BNC2: variants seen among roughly 807,000 people sequenced by gnomAD.
BNC2 encodes the protein basonuclin zinc finger protein 2, also known as zinc finger protein basonuclin-2.
A neutral mutation model predicts 76.3 loss-of-function variants in BNC2; 20 were observed. The observed-to-expected ratio is 0.26, with a 90% CI of 0.18 to 0.38. The LOEUF (loss-of-function observed/expected upper bound fraction) is 0.38, where lower values mean the gene tolerates loss of function less well. BNC2 is among the 10% of genes least tolerant of loss of function. The pLI is 1.00. For missense variants in BNC2, 1,382 were observed against 1,399.8 expected (o/e 0.99, Z 0.20); for synonymous variants, 582 against 514.8 (o/e 1.13, Z -1.77).
chr9:16,624,956 GAA>G (rs1489562816), intron 3 of BNC2, among the ~76,000 whole-genome samples: 4 of 152,188 alleles, frequency 2.6e-5, no homozygotes, highest in Non-Finnish European at 1.5e-5. Context: ...TAAAAAGTTA[GAA>G]GAGAGCACCT....
At chr9:16,829,233 G>A (rs1169564658) in intron 1 of BNC2, among the ~76,000 whole-genome samples, 1 of 152,252 alleles carries the variant, frequency 6.6e-6, no homozygotes, top group East Asian at 1.9e-4. Flanking sequence ...GAAGAGAGGA[G>A]CGGGCTCAAA....
intron 3 of BNC2, among the ~76,000 whole-genome samples, chr9:16,677,466 G>C (rs527282163): frequency 6.6e-6 from 1 of 151,934 alleles, no homozygotes; most frequent in Non-Finnish European, 1.5e-5. Flanking sequence ...CCAGCTACTC[G>C]GGAGGCTGAG....
chr9:16,819,300 T>C (rs993748069), intron 1 of BNC2, among the ~76,000 whole-genome samples: 1 of 152,214 alleles, frequency 6.6e-6, no homozygotes, highest in Non-Finnish European at 1.5e-5. Flanking sequence ...TCGTTTTTAA[T>C]AAAGTCTACC....
Position 16,855,968 on chromosome 9 carries a change from A to G in BNC2, c.3+14678T>C, listed in dbSNP as rs540596769. 2.0e-4 allele frequency among the ~76,000 whole-genome samples: 30 copies of G among 152,288 alleles called. 2 individuals carry two copies. Among genetic ancestry groups the G allele is most frequent in the Middle Eastern group, 6.8e-3 (2 of 294 alleles). ...TTACTTGCTGGCTGCTAGCAGATTT[A>G]TTACCTTAGCATATCCGTACTTCAG... On this transcript the variant is annotated intron_variant, in intron 1 of 6. Coordinates refer to ENST00000380672, the MANE Select transcript of BNC2 (RefSeq NM_017637.6).
chr9:16,732,499 C>G (rs114209449), intron 2 of BNC2, among the ~76,000 whole-genome samples: 225 of 152,138 alleles, frequency 1.5e-3, no homozygotes, highest in African/African-American at 5.1e-3. Flanking sequence ...CAATGTAAAT[C>G]CTGCACAAAT....
intron 4 of BNC2, among the ~76,000 whole-genome samples, chr9:16,558,095 G>A (rs1818894687): frequency 6.6e-6 from 1 of 152,072 alleles, no homozygotes; most frequent in African/African-American, 2.4e-5. Flanking sequence ...TGATCCACCT[G>A]CCTCGGCCTC....
intron 1 of BNC2, among the ~76,000 whole-genome samples, chr9:16,788,935 G>A (rs1241417139): frequency 1.3e-5 from 2 of 151,986 alleles, no homozygotes; most frequent in Non-Finnish European, 2.9e-5. Context: ...CTCCTCCTTG[G>A]CATCTCTATT....
At chr9:16,696,366 T>C (rs953320720) in intron 3 of BNC2, among the ~76,000 whole-genome samples, 3 of 152,214 alleles carry the variant, frequency 2.0e-5, no homozygotes, top group African/African-American at 7.2e-5. Context: ...TGCATACTGA[T>C]TTGGACTTTC....
chr9:16,703,923 A>C (rs1823587365), intron 3 of BNC2, among the ~76,000 whole-genome samples: 2 of 152,214 alleles, frequency 1.3e-5, no homozygotes. Flanking sequence ...ATACAAGTAT[A>C]TATGTATTAT....
intron 5 of BNC2, among the ~76,000 whole-genome samples, chr9:16,530,915 G>C (rs2132224991): frequency 6.6e-6 from 1 of 152,214 alleles, no homozygotes; most frequent in East Asian, 1.9e-4. Context: ...GATAATTATG[G>C]ATATTGTCAG....
intron 1 of BNC2, among the ~76,000 whole-genome samples, chr9:16,812,344 T>A (rs1396452388): frequency 2.0e-5 from 3 of 152,208 alleles, no homozygotes; most frequent in Non-Finnish European, 4.4e-5. Context: ...CTGCCTATGT[T>A]AAAACACTTG....
At chr9:16,755,056 G>C (rs1825340722) in intron 1 of BNC2, among the ~76,000 whole-genome samples, 1 of 152,186 alleles carries the variant, frequency 6.6e-6, no homozygotes, top group Non-Finnish European at 1.5e-5. Flanking sequence ...CATCTGTGCT[G>C]TGGCCTCAAA....
intron 1 of BNC2, among the ~76,000 whole-genome samples, chr9:16,805,206 T>C (rs1817877106): frequency 6.6e-6 from 1 of 152,184 alleles, no homozygotes; most frequent in Non-Finnish European, 1.5e-5. Flanking sequence ...ATCTTTAGAA[T>C]CTGGAAGACT....
intron 4 of BNC2, among the ~76,000 whole-genome samples, chr9:16,576,885 G>A (rs1819500556): frequency 6.6e-6 from 1 of 152,074 alleles, no homozygotes; most frequent in African/African-American, 2.4e-5. Context: ...TTACAGGTAC[G>A]CACCACCACA....
At chr9:16,547,838 T>C (rs577615324) in intron 5 of BNC2, among the ~76,000 whole-genome samples, 1 of 152,310 alleles carries the variant, frequency 6.6e-6, no homozygotes, top group East Asian at 1.9e-4. Context: ...AGAAAGCTAC[T>C]TCCCTACTCT....
intron 5 of BNC2, among the ~76,000 whole-genome samples, chr9:16,444,499 C>A (rs1821192517): frequency 6.6e-6 from 1 of 152,030 alleles, no homozygotes; most frequent in African/African-American, 2.4e-5. Flanking sequence ...AGAATGTGAC[C>A]CAGAAATTAG....
intron 5 of BNC2, among the ~76,000 whole-genome samples, chr9:16,448,310 C>T (rs779881107): frequency 4.6e-5 from 7 of 152,044 alleles, no homozygotes; most frequent in Non-Finnish European, 8.8e-5. Flanking sequence ...TCCACAATGT[C>T]TGAAAAACAG....
intron 1 of BNC2, among the ~76,000 whole-genome samples, chr9:16,817,631 T>C (rs1251991484): frequency 6.6e-6 from 1 of 152,190 alleles, no homozygotes; most frequent in Admixed American, 6.5e-5. Flanking sequence ...GTTTCTCAAA[T>C]ACTCCTTCAT....
chr9:16,762,673 C>T (rs181805923), intron 1 of BNC2, among the ~76,000 whole-genome samples: 40 of 152,226 alleles, frequency 2.6e-4, no homozygotes, highest in East Asian at 1.2e-3. Flanking sequence ...ACAGAGACAA[C>T]GAGGAACAGA....
Sources: allele counts gnomAD v4.1 joint callset (sites outside exome capture counted in the v4.1 genomes callset), GRCh38; gene constraint gnomAD v4.1.1; transcripts MANE v1.5; gene names NCBI Gene and HGNC (gene_info 2026-07-23, HGNC 2026-07-21).